DPYSL2: variants seen among roughly 807,000 people sequenced by gnomAD.
DPYSL2 encodes dihydropyrimidinase like 2.
Under a neutral mutation model 69.9 loss-of-function variants are expected in DPYSL2, and 13 were observed. The ratio of observed to expected loss-of-function variants is 0.19; its 90% CI spans 0.12 to 0.30. DPYSL2 has a LOEUF of 0.30. DPYSL2 is among the 10% of genes least tolerant of loss of function. The pLI is 1.00. For missense variants in DPYSL2, 587 were observed against 918.9 expected, an observed-to-expected ratio of 0.64 and a Z score of 4.67; for synonymous variants, 326 against 359.1, an observed-to-expected ratio of 0.91 and a Z score of 1.04.
intron 1 of DPYSL2, among the ~76,000 whole-genome samples, chr8:26,543,185 T>C (rs1161191551): frequency 6.6e-6 from 1 of 152,184 alleles, no homozygotes; most frequent in Non-Finnish European, 1.5e-5. Context: ...CTAAGATAAT[T>C]CATTATCAGA....
chr8:26,556,088 CTATATAAAT>C (rs1272185420), intron 1 of DPYSL2, among the ~76,000 whole-genome samples: 5 of 52,642 alleles, frequency 9.5e-5, no homozygotes, highest in African/African-American at 1.4e-4. Flanking sequence ...ATAGTATATA[CTATATAAAT>C]TATATATAGT....
At chr8:26,574,000 C>A (rs776397749) in intron 1 of DPYSL2, among the ~76,000 whole-genome samples, 81 of 151,852 alleles carry the variant, frequency 5.3e-4, no homozygotes, top group Non-Finnish European at 9.3e-4. Flanking sequence ...AGGGCACCTG[C>A]CAGAGACAAG....
Position 26,566,034 on chromosome 8 carries a change from C to T in DPYSL2, c.355-15935C>T, listed in dbSNP as rs1801144109. ...TAGAAGAAGAGGAGAGCCTGGATTTCATGAAGAGCTAGTGGCCTCTGCTAC... is the reference window on the plus strand; with the variant it reads ...TAGAAGAAGAGGAGAGCCTGGATTTTATGAAGAGCTAGTGGCCTCTGCTAC... On this transcript the variant is annotated intron_variant, in intron 1 of 13. Coordinates refer to ENST00000521913, the MANE Select transcript of DPYSL2 (RefSeq NM_001197293.3). 2.0e-5 allele frequency among the ~76,000 whole-genome samples: 3 copies of T among 152,226 alleles called. No homozygotes were observed. The South Asian group carries it at 6.2e-4, about 31-fold the overall frequency.
chr8:26,549,064 C>T (rs1339050759), intron 1 of DPYSL2, among the ~76,000 whole-genome samples: 1 of 151,970 alleles, frequency 6.6e-6, no homozygotes, highest in African/African-American at 2.4e-5. Flanking sequence ...TGGCAGGTGC[C>T]TGTAATCCCA....
Position 26,653,261 on chromosome 8 carries a change from C to T in DPYSL2, c.1806C>T (p.Gly602=), listed in dbSNP as rs758349640. ...CTGAGCTGAGAGGGGTTCCTCGTGG[C>T]CTGTATGACGGACCTGTGTGTGAAG... ...RLAELRGVPR[G]LYDGPVCEVS... The change falls in exon 13 of 14, where the codon GGC becomes GGT. Residue 602 remains glycine, a synonymous_variant. Transcript: ENST00000521913. This position sits in a 1 kb window ranked among gnomAD's most constrained non-coding sequence, Gnocchi z 5.7. 6.2e-7 allele frequency: 1 copy of T among 1,614,032 alleles called. No individual in the cohort carries two copies. Among genetic ancestry groups the T allele is most frequent in the East Asian group, 2.2e-5 (1 of 44,860 alleles).
rs1363612105 is a variant in DPYSL2 at position 26,586,701 on chromosome 8, G to A, written c.628+2718G>A. On this transcript the variant is annotated intron_variant, in intron 3 of 13. Coordinates refer to ENST00000521913, the MANE Select transcript of DPYSL2 (RefSeq NM_001197293.3). This position sits in a 1 kb window ranked among gnomAD's most constrained non-coding sequence, Gnocchi z 4.7. Reference sequence around the variant, plus strand: ...GGACGAGGGACATCCCCCTCTGAGTGCAGCACCTGGCCCAGGGAGCTCAGA... The same window carrying A: ...GGACGAGGGACATCCCCCTCTGAGTACAGCACCTGGCCCAGGGAGCTCAGA... 6.6e-6 allele frequency among the ~76,000 whole-genome samples: 1 copy of A among 152,208 alleles called. No individual in the cohort carries two copies. The highest frequency in any genetic ancestry group is 1.5e-5 in the Non-Finnish European group (1 of 68,044).
chr8:26,569,043 C>T (rs964209999), intron 1 of DPYSL2, among the ~76,000 whole-genome samples: 3 of 152,132 alleles, frequency 2.0e-5, no homozygotes, highest in Admixed American at 6.5e-5. Flanking sequence ...GGTGAATCCT[C>T]ACCATCTGGT....
intron 1 of DPYSL2, among the ~76,000 whole-genome samples, chr8:26,541,748 G>C (rs988319814): frequency 6.6e-6 from 1 of 152,084 alleles, no homozygotes; most frequent in African/African-American, 2.4e-5. Context: ...GTTAAAAACT[G>C]TAAGATATTT....
rs1808301064 is a variant in DPYSL2, at chr8:26,517,067, G to A, written c.354+2388G>A. Among the ~76,000 whole-genome samples the A allele has an allele frequency of 6.6e-6, 1 of 152,152 alleles. No homozygotes were observed. The highest frequency in any genetic ancestry group is 2.1e-4 in the South Asian group (1 of 4,828). On this transcript the variant is annotated intron_variant, in intron 1 of 13. Coordinates refer to ENST00000521913, the MANE Select transcript of DPYSL2 (RefSeq NM_001197293.3). The surrounding 1 kb of genome is among the most constrained non-coding windows in gnomAD (Gnocchi z 4.2). ...AATTGGAAGCCCTGACGCAGAGAAAGGTGGGGGAGATTGAGAATGGGTGGA... is the reference window on the plus strand; with the variant it reads ...AATTGGAAGCCCTGACGCAGAGAAAAGTGGGGGAGATTGAGAATGGGTGGA...
At chr8:26,567,438 T>C (rs1214486956) in intron 1 of DPYSL2, among the ~76,000 whole-genome samples, 1 of 149,678 alleles carries the variant, frequency 6.7e-6, no homozygotes, top group Non-Finnish European at 1.5e-5. Context: ...CCATCCATCC[T>C]TTCAGAATTT....
At chr8:26,573,451 G>A (rs1468130872) in intron 1 of DPYSL2, among the ~76,000 whole-genome samples, 3 of 151,958 alleles carry the variant, frequency 2.0e-5, no homozygotes, top group Non-Finnish European at 4.4e-5. Flanking sequence ...GGTGGATCAC[G>A]AGGTCAGGAG....
rs1801906905 is a variant in DPYSL2 at position 26,598,130 on chromosome 8, A to ATC, written c.628+14147_628+14148insTC. Among the ~76,000 whole-genome samples the ATC allele has an allele frequency of 6.6e-6, 1 of 152,134 alleles. No homozygotes were observed. Among genetic ancestry groups the ATC allele is most frequent in the African/African-American group, 2.4e-5 (1 of 41,432 alleles). On this transcript the variant is annotated intron_variant, in intron 3 of 13. Coordinates refer to ENST00000521913, the MANE Select transcript of DPYSL2 (RefSeq NM_001197293.3). This position sits in a 1 kb window ranked among gnomAD's most constrained non-coding sequence, Gnocchi z 4.2. ...GGCTATGGCAGGGCTTGGACAAATT[A>ATC]CATGTATGGGGGAGTAGCCCCTTCA... is the stretch of plus-strand genomic sequence containing the variant.
chr8:26,578,238 T>A, intron 1 of DPYSL2: 1 of 1,614,106 alleles, frequency 6.2e-7, no homozygotes, highest in Non-Finnish European at 8.5e-7. Flanking sequence ...TGAAATTAAT[T>A]TTTTCCCAGG....
At chr8:26,590,271 C>A (rs1801696014) in intron 3 of DPYSL2, among the ~76,000 whole-genome samples, 1 of 152,232 alleles carries the variant, frequency 6.6e-6, no homozygotes, top group Admixed American at 6.5e-5. Flanking sequence ...GCCACGTTAT[C>A]CAATGGGCCA....
chr8:26,595,334 C>T (rs776202487), intron 3 of DPYSL2, among the ~76,000 whole-genome samples: 1 of 151,812 alleles, frequency 6.6e-6, no homozygotes, highest in Admixed American at 6.6e-5. Flanking sequence ...TCCAAATAAT[C>T]TCTGGAGAAT....
chr8:26,546,482 T>C (rs568644265), intron 1 of DPYSL2, among the ~76,000 whole-genome samples: 3 of 152,198 alleles, frequency 2.0e-5, no homozygotes, highest in Non-Finnish European at 4.4e-5. Context: ...CTAGAGTCTT[T>C]TAAAAATAAA....
At chr8:26,543,052 A>C (rs1030640269) in intron 1 of DPYSL2, among the ~76,000 whole-genome samples, 1 of 152,246 alleles carries the variant, frequency 6.6e-6, no homozygotes, top group African/African-American at 2.4e-5. Flanking sequence ...ATTTCATAGA[A>C]GACAAAAATG....
At chr8:26,602,266 A>T (rs779888410) in intron 3 of DPYSL2, among the ~76,000 whole-genome samples, 13 of 151,542 alleles carry the variant, frequency 8.6e-5, no homozygotes, top group Non-Finnish European at 1.9e-4. Context: ...AAGTTAGCTT[A>T]ATACAGGAAA....
chr8:26,612,574 A>G (rs1357258441), intron 3 of DPYSL2, among the ~76,000 whole-genome samples: 1 of 152,212 alleles, frequency 6.6e-6, no homozygotes, highest in Non-Finnish European at 1.5e-5. Context: ...AGCATGGGCC[A>G]GGTGTGGTGG....
Sources: gnomAD v4.1 joint callset for allele counts (sites outside exome capture counted in the v4.1 genomes callset) on GRCh38, gnomAD v4.1.1 for gene constraint, Gnocchi (gnomAD v3.1) non-coding constraint, MANE v1.5 for transcripts, NCBI Gene and HGNC (gene_info 2026-07-23, HGNC 2026-07-21) for gene names.